MAP3K9: variants seen among roughly 807,000 people sequenced by gnomAD.
MAP3K9 encodes mixed lineage kinase 1 (tyr and ser/thr specificity).
MAP3K9 carries 46 observed loss-of-function variants against 95.8 expected under a neutral mutation model. The observed-to-expected ratio is 0.48, with a 90% CI of 0.38 to 0.61. The LOEUF (loss-of-function observed/expected upper bound fraction) is 0.61, where lower values mean the gene tolerates loss of function less well. Among genes scored for constraint, MAP3K9 ranks in the 20% least tolerant of loss-of-function variants. The pLI is 0.00. For missense variants in MAP3K9, 1,296 were observed against 1,474.3 expected, an observed-to-expected ratio of 0.88 and a Z score of 1.98; for synonymous variants, 533 against 593.8, an observed-to-expected ratio of 0.90 and a Z score of 1.49.
At chr14:70,765,328 T>C in intron 2 of MAP3K9, 1 of 419,238 alleles carries the variant, frequency 2.4e-6, no homozygotes, top group Non-Finnish European at 4.2e-6. Context: ...AGACTCCGTC[T>C]AAAAAAAAGT....
intron 2 of MAP3K9, among the ~76,000 whole-genome samples, chr14:70,766,546 C>T (rs936414272): frequency 6.6e-6 from 1 of 152,210 alleles, no homozygotes; most frequent in Middle Eastern, 3.2e-3. Flanking sequence ...ATGACACCTA[C>T]TCATTATGGG....
In MAP3K9 at chr14:70,802,235, C is replaced by G. The variant is rs115048868; in HGVS notation, c.407-1155G>C. On this transcript the variant is annotated intron_variant, in intron 1 of 11. Transcript: ENST00000554752. Reference sequence around the variant, plus strand: ...GTACGCAGTCAATTTGGGAGACTTTCAGAACTTGGTTCTACCTGGACCTGG... The same window carrying G: ...GTACGCAGTCAATTTGGGAGACTTTGAGAACTTGGTTCTACCTGGACCTGG... 5.0e-3 allele frequency among the ~76,000 whole-genome samples: 765 copies of G among 152,276 alleles called. 8 individuals carry two copies. Among genetic ancestry groups the G allele is most frequent in the African/African-American group, 0.017 (725 of 41,550 alleles).
intron 8 of MAP3K9, among the ~76,000 whole-genome samples, chr14:70,736,521 TA>T (rs1283098326): frequency 6.6e-6 from 1 of 152,166 alleles, no homozygotes; most frequent in Non-Finnish European, 1.5e-5. Flanking sequence ...CAATAGGAAC[TA>T]AGACTCATGA....
intron 10 of MAP3K9, 43 bp downstream of exon 10, chr14:70,734,343 G>A (rs2053954346): frequency 1.4e-6 from 2 of 1,390,692 alleles, no homozygotes; most frequent in Middle Eastern, 1.9e-4. Context: ...TGCCCCCAGG[G>A]AGCAGGGAGA....
In MAP3K9 at chr14:70,742,483, T is replaced by C. The variant is rs755109645; in HGVS notation, c.1435A>G (p.Ile479Val). The C allele has an allele frequency of 6.2e-7, 1 of 1,614,222 alleles. No homozygotes were observed. The highest frequency in any genetic ancestry group is 8.5e-7 in the Non-Finnish European group (1 of 1,180,034). Residue 479 changes from isoleucine (I) to valine (V), a missense_variant, in exon 6 of 12, where the codon ATC (isoleucine) becomes GTC (valine). Physicochemically the swap from Ile to Val is conservative, Grantham distance 29. Transcript: ENST00000554752. ...EQELAEREID[I>V]LERELNIIIH... ...ATGATGTTGAGCTCCCGTTCCAGGA[T>C]GTCAATCTCCCGCTCGGCCAGCTCC...
At position 70,762,169 on chromosome 14, in the gene MAP3K9, T is replaced by C. The variant is rs149624191; in HGVS notation, c.821-987A>G. Among the ~76,000 whole-genome samples the C allele has an allele frequency of 3.2e-3, 482 of 152,344 alleles. 2 individuals are homozygous for C. The highest frequency in any genetic ancestry group is 6.8e-3 in the Middle Eastern group (2 of 294). On this transcript the variant is annotated intron_variant, in intron 2 of 11. Coordinates refer to ENST00000554752, the MANE Select transcript of MAP3K9 (RefSeq NM_001284230.2). ...TCCACTGATAGACACATGGGTTGTT[T>C]CCACTTTCTGGCTACTGTGACTAGT...
In MAP3K9 at chr14:70,727,183, A is replaced by G. The variant is rs751260733; in HGVS notation, c.*3197T>C. On this transcript the variant is annotated 3_prime_UTR_variant, in exon 12 of 12. Coordinates refer to ENST00000554752, the MANE Select transcript of MAP3K9 (RefSeq NM_001284230.2). ...CTATTCTGAGTTGTCCAGATGTAAGATATCATTGTTGCTATTACTGCTACC... is the reference window on the plus strand; with the variant it reads ...CTATTCTGAGTTGTCCAGATGTAAGGTATCATTGTTGCTATTACTGCTACC... 1.3e-5 allele frequency: 2 copies of G among 152,206 alleles called. No individual in the cohort carries two copies. Among genetic ancestry groups the G allele is most frequent in the Non-Finnish European group, 2.9e-5 (2 of 68,038 alleles). The allele number at this position is 152,206 out of a possible 1,614,324, so 9.4% of individuals were successfully genotyped here.
intron 11 of MAP3K9, among the ~76,000 whole-genome samples, chr14:70,731,834 C>T (rs11844774): frequency 0.55 from 84,155 of 152,012 alleles, 23,708 homozygotes; most frequent in South Asian, 0.62. Context: ...ATTACTATGC[C>T]CCCTTTTCCT....
At chr14:70,758,122 GA>G (rs201446867) in intron 3 of MAP3K9, among the ~76,000 whole-genome samples, 4 of 150,584 alleles carry the variant, frequency 2.7e-5, no homozygotes, top group African/African-American at 7.3e-5. Context: ...CTACAGAATG[GA>G]AAAAAAAATT....
intron 6 of MAP3K9, among the ~76,000 whole-genome samples, chr14:70,741,342 G>A (rs1027152122): frequency 2.0e-5 from 3 of 152,036 alleles, no homozygotes; most frequent in South Asian, 4.2e-4. Context: ...CACCCGCCTC[G>A]GCCTCCCAAA....
intron 2 of MAP3K9, among the ~76,000 whole-genome samples, chr14:70,777,203 A>G (rs2054611502): frequency 6.6e-6 from 1 of 152,122 alleles, no homozygotes; most frequent in Non-Finnish European, 1.5e-5. Flanking sequence ...AGGGGTAGTC[A>G]TTTCTCAGGG....
At chr14:70,735,867 G>A (rs1301046209) in intron 9 of MAP3K9, 94 bp downstream of exon 9, 25 of 999,654 alleles carry the variant, frequency 2.5e-5, no homozygotes, top group Non-Finnish European at 3.8e-5. Context: ...TGGCAATAAC[G>A]AGGCTTGATT....
At chr14:70,777,368 G>A (rs925459109) in intron 2 of MAP3K9, among the ~76,000 whole-genome samples, 1 of 152,170 alleles carries the variant, frequency 6.6e-6, no homozygotes, top group Non-Finnish European at 1.5e-5. Context: ...ATATCAGAAA[G>A]GCAAAGAATA....
chr14:70,739,865 A>C (rs754781525), intron 7 of MAP3K9, 177 bp downstream of exon 7: 2 of 1,544,812 alleles, frequency 1.3e-6, no homozygotes, highest in Non-Finnish European at 1.8e-6. Context: ...GTTAATGGAG[A>C]GAGACAAGGG....
chr14:70,746,136 CT>C (rs750060661), intron 5 of MAP3K9, among the ~76,000 whole-genome samples: 1 of 152,162 alleles, frequency 6.6e-6, no homozygotes, highest in Non-Finnish European at 1.5e-5. Context: ...AAAATCAAAG[CT>C]AATTTCAAGC....
rs756456203 is a variant in MAP3K9 at position 70,730,330 on chromosome 14, C to A, written c.*50G>T. 2.6e-6 allele frequency: 4 copies of A among 1,564,426 alleles called. No homozygotes were observed. The highest frequency in any genetic ancestry group is 2.3e-5 in the East Asian group (1 of 44,178). On this transcript the variant is annotated 3_prime_UTR_variant, in exon 12 of 12. Transcript: ENST00000554752. ...TGAGAAAGGGCTGTGCCCGCCAGCTCCCCTCATCTCCGCTGGCTGTCCCCC... is the reference window on the plus strand; with the variant it reads ...TGAGAAAGGGCTGTGCCCGCCAGCTACCCTCATCTCCGCTGGCTGTCCCCC...
chr14:70,765,214 C>T (rs966146942), intron 2 of MAP3K9, among the ~76,000 whole-genome samples: 26 of 152,254 alleles, frequency 1.7e-4, no homozygotes, highest in African/African-American at 6.0e-4. Context: ...CCTGTACTCC[C>T]AGCTACTCAG....
intron 2 of MAP3K9, among the ~76,000 whole-genome samples, chr14:70,798,435 C>G (rs181850377): frequency 0.033 from 1,094 of 33,062 alleles, 5 homozygotes; most frequent in African/African-American, 0.083. Flanking sequence ...TAAGCAATCT[C>G]TAGGTAGAAA....
In MAP3K9 at chr14:70,728,893, A is replaced by G. The variant is rs867978706; in HGVS notation, c.*1487T>C. The G allele has an allele frequency of 6.6e-6, 1 of 152,218 alleles. No homozygotes were observed. The highest frequency in any genetic ancestry group is 1.5e-5 in the Non-Finnish European group (1 of 68,060). The allele number at this position is 152,218 out of a possible 1,614,324, so 9.4% of individuals were successfully genotyped here. A position where few individuals can be genotyped will look rare whatever the true frequency, so the allele number is the denominator to read the frequency against. On this transcript the variant is annotated 3_prime_UTR_variant, in exon 12 of 12. Coordinates refer to ENST00000554752, the MANE Select transcript of MAP3K9 (RefSeq NM_001284230.2). ...TTGAGGGAAGAGGGGAATGACCTTGAGACTCTACTCCCAATCAAGTCGTCA... is the reference window on the plus strand; with the variant it reads ...TTGAGGGAAGAGGGGAATGACCTTGGGACTCTACTCCCAATCAAGTCGTCA...
Sources: gnomAD v4.1 joint callset for allele counts (sites outside exome capture counted in the v4.1 genomes callset) on GRCh38, gnomAD v4.1.1 for gene constraint, MANE v1.5 for transcripts, NCBI Gene and HGNC (gene_info 2026-07-23, HGNC 2026-07-21) for gene names.